The following SPATA13 variants were observed in gnomAD, a reference collection of about 807,000 sequenced individuals.
SPATA13 encodes the protein spermatogenesis associated 13.
SPATA13 carries 50 observed loss-of-function variants against 104.0 expected under a neutral mutation model. That is an observed-to-expected ratio of 0.48 (90% CI 0.38 to 0.61). SPATA13 has a LOEUF of 0.61. Ranked by LOEUF, SPATA13 falls within the 20% of genes least tolerant of loss-of-function variation. SPATA13 has a pLI of 0.00. For missense variants in SPATA13, 1,524 were observed against 1,690.6 expected, an observed-to-expected ratio of 0.90 and a Z score of 1.73; for synonymous variants, 606 against 667.5, an observed-to-expected ratio of 0.91 and a Z score of 1.42.
At chr13:24,294,994 C>A in intron 10 of SPATA13, 126 bp downstream of exon 10, 1 of 925,072 alleles carries the variant, frequency 1.1e-6, no homozygotes, top group Non-Finnish European at 1.5e-6. Context: ...GTACATATAC[C>A]ATTAATGGTA....
intron 4 of SPATA13, among the ~76,000 whole-genome samples, chr13:24,269,741 A>ATTTTTTTT (rs71070673): frequency 1.3e-5 from 1 of 75,928 alleles, no homozygotes; most frequent in Non-Finnish European, 2.3e-5. Flanking sequence ...GCTAATATAA[A>ATTTTTTTT]TTTTTTTTTT....
intron 2 of SPATA13, among the ~76,000 whole-genome samples, chr13:23,995,356 G>A (rs1021457060): frequency 6.6e-6 from 1 of 152,114 alleles, no homozygotes. Context: ...CCCATTGAAC[G>A]GGATTTGACA....
chr13:24,270,875 G>A, intron 4 of SPATA13: 1 of 1,612,826 alleles, frequency 6.2e-7, no homozygotes, highest in Non-Finnish European at 8.5e-7. Flanking sequence ...CTAGAGGGGA[G>A]ATAGCAAGAT....
intron 2 of SPATA13, among the ~76,000 whole-genome samples, chr13:24,005,139 G>T (rs1270643140): frequency 6.6e-6 from 1 of 152,198 alleles, no homozygotes; most frequent in Non-Finnish European, 1.5e-5. Flanking sequence ...TGCTTTCTCT[G>T]AGTCGCTAGG....
intron 9 of SPATA13, 126 bp from the exon 10 acceptor site, chr13:24,294,613 C>T (rs938108860): frequency 1.2e-5 from 11 of 952,890 alleles, no homozygotes; most frequent in Non-Finnish European, 1.4e-5. Context: ...GAAACAGTGG[C>T]TAATGACGTA....
chr13:23,996,245 G>A (rs4770541), intron 2 of SPATA13, among the ~76,000 whole-genome samples: 55 of 152,164 alleles, frequency 3.6e-4, no homozygotes, highest in African/African-American at 1.2e-3. Context: ...AGAGTCCGCC[G>A]CCTTGCCTTT....
chr13:24,127,650 C>T (rs944714690), intron 3 of SPATA13, among the ~76,000 whole-genome samples: 1 of 152,188 alleles, frequency 6.6e-6, no homozygotes, highest in Non-Finnish European at 1.5e-5. Context: ...TGAGAACAGG[C>T]ATTTTTGTTT....
At chr13:24,012,596 C>T (rs1030214781) in intron 2 of SPATA13, among the ~76,000 whole-genome samples, 25 of 152,236 alleles carry the variant, frequency 1.6e-4, no homozygotes, top group African/African-American at 5.8e-4. Context: ...AGGGGCTCCC[C>T]TGGTTGATCT....
intron 1 of SPATA13, among the ~76,000 whole-genome samples, chr13:24,182,014 TG>T (rs1868849353): frequency 6.6e-6 from 1 of 152,182 alleles, no homozygotes; most frequent in African/African-American, 2.4e-5. Context: ...CCTCATATAG[TG>T]TCTGACATGT....
chr13:24,056,389 C>A (rs905885799), intron 3 of SPATA13, among the ~76,000 whole-genome samples: 7 of 152,190 alleles, frequency 4.6e-5, no homozygotes, highest in Admixed American at 4.6e-4. Flanking sequence ...TTCGGCTTTT[C>A]AAGTAGCAAA....
chr13:24,133,508 C>T (rs1314523266), intron 3 of SPATA13, among the ~76,000 whole-genome samples: 3 of 152,202 alleles, frequency 2.0e-5, no homozygotes, highest in Non-Finnish European at 2.9e-5. Context: ...CTGCTGAGCT[C>T]GGGCAGGTGC....
intron 1 of SPATA13, among the ~76,000 whole-genome samples, chr13:24,182,362 G>A (rs1323125482): frequency 6.6e-6 from 1 of 152,112 alleles, no homozygotes; most frequent in African/African-American, 2.4e-5. Context: ...ATTGGCTCAC[G>A]GTTCTGCAGG....
At chr13:24,235,263 C>A (rs1872513423) in intron 2 of SPATA13, among the ~76,000 whole-genome samples, 1 of 152,128 alleles carries the variant, frequency 6.6e-6, no homozygotes, top group African/African-American at 2.4e-5. Context: ...GAGGTTTAGA[C>A]CCAGAAATTT....
At chr13:24,140,522 A>G (rs547668106) in intron 3 of SPATA13, among the ~76,000 whole-genome samples, 7 of 152,348 alleles carry the variant, frequency 4.6e-5, no homozygotes, top group Non-Finnish European at 8.8e-5. Context: ...CACGTGCAGA[A>G]GCAGAGCTGT....
intron 3 of SPATA13, among the ~76,000 whole-genome samples, chr13:24,097,721 G>C (rs534079572): frequency 6.6e-6 from 1 of 152,334 alleles, no homozygotes; most frequent in South Asian, 2.1e-4. Flanking sequence ...AACCAACCGG[G>C]TACCTGGATC....
At position 24,249,803 on chromosome 13, in the gene SPATA13, G is replaced by C; in HGVS notation, c.1980G>C (p.Gly660=). 6.2e-7 allele frequency: 1 copy of C among 1,611,750 alleles called. No individual in the cohort carries two copies. The highest frequency in any genetic ancestry group is 8.5e-7 in the Non-Finnish European group (1 of 1,179,002). Residue 660 remains glycine (G), a synonymous_variant, in exon 3 of 13, where the codon GGG becomes GGC. Coordinates refer to ENST00000382108, the MANE Select transcript of SPATA13 (RefSeq NM_001166271.3). ...TGATAGGTGGGGTCAGCTTGTATGG[G>C]ACCAACCAGACGGAGGAACTGGACA... The part of the protein sequence containing the change: ...ISVIGGVSLY[G]TNQTEELDNL...
At chr13:24,035,642 C>T (rs1258431343) in intron 3 of SPATA13, among the ~76,000 whole-genome samples, 1 of 151,736 alleles carries the variant, frequency 6.6e-6, no homozygotes, top group Non-Finnish European at 1.5e-5. Context: ...GGAGGCGTGT[C>T]ACTGAGTTGT....
intron 1 of SPATA13, among the ~76,000 whole-genome samples, chr13:24,166,910 G>T (rs575459352): frequency 6.6e-6 from 1 of 152,240 alleles, no homozygotes; most frequent in East Asian, 1.9e-4. Context: ...ATCACCTTGG[G>T]GTTTAAATTT....
chr13:24,015,312 A>C (rs757962143), intron 2 of SPATA13, among the ~76,000 whole-genome samples: 5 of 152,230 alleles, frequency 3.3e-5, no homozygotes, highest in Non-Finnish European at 5.9e-5. Context: ...TAGACACATG[A>C]CATTATTTAA....
Sources: allele counts gnomAD v4.1 joint callset (sites outside exome capture counted in the v4.1 genomes callset), GRCh38; gene constraint gnomAD v4.1.1; transcripts MANE v1.5; gene names NCBI Gene and HGNC (gene_info 2026-07-23, HGNC 2026-07-21).